Variants in SBF1 observed in about 807,000 individuals in gnomAD.
SBF1 encodes the protein SET binding factor 1, also known as myotubularin-related protein 5.
SBF1 carries 65 observed loss-of-function variants against 215.8 expected under a neutral mutation model. The ratio of observed to expected loss-of-function variants is 0.30; its 90% CI spans 0.25 to 0.37. SBF1 has a LOEUF of 0.37. Among genes scored for constraint, SBF1 ranks in the 10% least tolerant of loss-of-function variants. The pLI, the probability that SBF1 is intolerant of heterozygous loss-of-function variation, is 1.00. For synonymous variants in SBF1, 1,410 were observed against 1,122.8 expected, an observed-to-expected ratio of 1.26 and a Z score of -5.11; for missense variants, 2,634 against 2,667.8, an observed-to-expected ratio of 0.99 and a Z score of 0.28.
chr22:50,464,941 G>A (rs756552680), intron 12 of SBF1, 24 bp from the exon 13 acceptor site: 13 of 1,613,720 alleles, frequency 8.1e-6, no homozygotes, highest in African/African-American at 2.7e-5. Context: ...CAGGAGGTTA[G>A]GTAAGCCATG....
intron 38 of SBF1, 77 bp from the exon 39 acceptor site, chr22:50,447,686 CT>C: frequency 9.3e-7 from 1 of 1,078,230 alleles, no homozygotes; most frequent in South Asian, 1.4e-5. Context: ...TCGTCCCCCC[CT>C]TGCTGTCCCA....
In SBF1 at chr22:50,447,430, C is replaced by T. The variant is rs1235296299; in HGVS notation, c.5475G>A (p.Val1825=). 6.2e-7 allele frequency: 1 copy of T among 1,613,934 alleles called. No homozygotes were observed. Among genetic ancestry groups the T allele is most frequent in the South Asian group, 1.1e-5 (1 of 91,082 alleles). Reference sequence around the variant, plus strand: ...CGATGACACCCTTGCACTCTGTGTCCACACGGTGGTCGTAGTAGCGCAGCT... The same window carrying T: ...CGATGACACCCTTGCACTCTGTGTCTACACGGTGGTCGTAGTAGCGCAGCT... ...KHQLRYYDHR[V]DTECKGVIDL... Residue 1825 remains valine, a synonymous_variant, in exon 40 of 41, where the codon GTG becomes GTA. Coordinates refer to ENST00000380817, the MANE Select transcript of SBF1 (RefSeq NM_002972.4).
chr22:50,456,471 C>A lies in SBF1; in HGVS notation c.4086+21G>T, dbSNP rs752876087. 8 of 1,503,984 alleles carry A rather than the reference C, an allele frequency of 5.3e-6. No individual in the cohort carries two copies. In the Admixed American group the frequency reaches 6.0e-5, roughly 11 times the overall value. 93.2% of individuals were successfully genotyped at this position (1,503,984 alleles called of 1,614,324 possible). ...CTGCCGAGCCCCCACCCTCACCCCC[C>A]ACCCCCCGCACCCCAGTCACCTTGA... On this transcript the variant is annotated intron_variant, in intron 30 of 40. Coordinates refer to ENST00000380817, the MANE Select transcript of SBF1 (RefSeq NM_002972.4).
rs578149650 is a variant in SBF1, at chr22:50,451,735, G to A, written c.5043+2777C>T. ...GGTGCCATTATACACAGTTTATAAGGATAAGAATCAACACCAACTTCTAAG... is the reference window on the plus strand; with the variant it reads ...GGTGCCATTATACACAGTTTATAAGAATAAGAATCAACACCAACTTCTAAG... On this transcript the variant is annotated intron_variant, in intron 36 of 40. Coordinates refer to ENST00000380817, the MANE Select transcript of SBF1 (RefSeq NM_002972.4). Among the ~76,000 whole-genome samples, 4 of 151,204 alleles carry A rather than the reference G, an allele frequency of 2.6e-5. No homozygotes were observed. The South Asian group carries it at 6.3e-4, about 24-fold the overall frequency.
Position 50,454,745 on chromosome 22 carries a change from G to A in SBF1, c.4813-3C>T, listed in dbSNP as rs1212987858. ...ACGTTGCTGTAGGGCCGCAGGACCT[G>A]AGGGTGGGCCTGTGGTTGAGGACCT... is the stretch of plus-strand genomic sequence containing the variant. On this transcript the variant is annotated splice_region_variant and splice_polypyrimidine_tract_variant and intron_variant, in intron 35 of 40. Transcript: ENST00000380817. 2.5e-6 allele frequency: 4 copies of A among 1,584,148 alleles called. No individual in the cohort carries two copies. The highest frequency in any genetic ancestry group is 8.6e-7 in the Non-Finnish European group (1 of 1,168,104).
intron 26 of SBF1, 70 bp from the exon 27 acceptor site, chr22:50,459,736 G>A (rs2067419660): frequency 1.4e-6 from 2 of 1,470,494 alleles, no homozygotes; most frequent in Admixed American, 4.7e-5. Context: ...CCCAAGCAGG[G>A]CAAGAGGAGC....
rs1369861657 is a variant in SBF1 at position 50,450,813 on chromosome 22, G to C, written c.5044-2163C>G. Among the ~76,000 whole-genome samples, 3 of 151,966 alleles carry C rather than the reference G, an allele frequency of 2.0e-5. No individual in the cohort carries two copies. The East Asian group carries it at 5.8e-4, about 30-fold the overall frequency. ...TAAAACCCAAGACTCTAAGCTTAAA[G>C]AAAGACAACACAGGCAGGGCACAGT... On this transcript the variant is annotated intron_variant, in intron 36 of 40. Transcript: ENST00000380817.
At chr22:50,452,987 AGAAAG>A (rs1249592159) in intron 36 of SBF1, among the ~76,000 whole-genome samples, 1 of 149,966 alleles carries the variant, frequency 6.7e-6, no homozygotes, top group Non-Finnish European at 1.5e-5. Flanking sequence ...AAGAAAAGAA[AGAAAG>A]GAAAAAAAAT....
At chr22:50,453,982 C>T (rs1372078684) in intron 36 of SBF1, among the ~76,000 whole-genome samples, 1 of 152,034 alleles carries the variant, frequency 6.6e-6, no homozygotes, top group Non-Finnish European at 1.5e-5. Flanking sequence ...CCAGCCACCA[C>T]CCAATCGCAG....
chr22:50,467,706 G>A lies in SBF1; in HGVS notation c.280-16C>T, dbSNP rs757002446. ...GCGTCGTTTCCTGCTGGGGGTCAGG[G>A]GGAGACGGGGGCAGGGGGAGTTGGC... On this transcript the variant is annotated splice_polypyrimidine_tract_variant and intron_variant, in intron 3 of 40. Coordinates refer to ENST00000380817, the MANE Select transcript of SBF1 (RefSeq NM_002972.4). 3.7e-6 allele frequency: 6 copies of A among 1,606,730 alleles called. No homozygotes were observed. Among genetic ancestry groups the A allele is most frequent in the East Asian group, 2.2e-5 (1 of 44,614 alleles).
At chr22:50,463,179 GTCTC>G in intron 16 of SBF1, 100 bp downstream of exon 16, 1 of 1,460,834 alleles carries the variant, frequency 6.8e-7, no homozygotes, top group South Asian at 1.2e-5. Context: ...TGGCACAGGA[GTCTC>G]TTGCACCGTC....
At position 50,454,739 on chromosome 22, in the gene SBF1, G is replaced by A. The variant is rs1205582390; in HGVS notation, c.4816C>T (p.Leu1606=). 2.5e-6 allele frequency: 4 copies of A among 1,579,354 alleles called. No individual in the cohort carries two copies. The highest frequency in any genetic ancestry group is 1.9e-5 in the Admixed American group (1 of 53,156). Reference sequence around the variant, plus strand: ...TTGGACACGTTGCTGTAGGGCCGCAGGACCTGAGGGTGGGCCTGTGGTTGA... The same window carrying A: ...TTGGACACGTTGCTGTAGGGCCGCAAGACCTGAGGGTGGGCCTGTGGTTGA... ...YMYAPEDAEV[L]RPYSNVSNLK... Residue 1606 remains leucine (L), a synonymous_variant, in exon 36 of 41, where the codon CTG becomes TTG. Transcript: ENST00000380817.
chr22:50,467,951 C>A, intron 2 of SBF1, 28 bp from the exon 3 acceptor site: 8 of 1,611,722 alleles, frequency 5.0e-6, no homozygotes, highest in Non-Finnish European at 6.8e-6. Flanking sequence ...CAGTCAGCTC[C>A]TCCCCCTACA....
chr22:50,464,514 TC>T lies in SBF1; in HGVS notation c.1636+19del. 6.2e-7 allele frequency: 1 copy of T among 1,603,160 alleles called. No individual in the cohort carries two copies. Among genetic ancestry groups the T allele is most frequent in the East Asian group, 2.2e-5 (1 of 44,592 alleles). On this transcript the variant is annotated intron_variant, in intron 14 of 40. Coordinates refer to ENST00000380817, the MANE Select transcript of SBF1 (RefSeq NM_002972.4). ...CCTGGGCCACGCTCGGGGCCTGCCTTCCCCTCCCTCATTACGCACTCATGGG... is the reference window on the plus strand; with the variant it reads ...CCTGGGCCACGCTCGGGGCCTGCCTTCCCTCCCTCATTACGCACTCATGGG...
intron 36 of SBF1, among the ~76,000 whole-genome samples, chr22:50,450,240 G>A (rs189889123): frequency 1.3e-5 from 2 of 152,320 alleles, no homozygotes; most frequent in Admixed American, 6.5e-5. Context: ...ATGACCTGAC[G>A]CCGGCAGCAG....
Position 50,461,611 on chromosome 22 carries a change from A to C in SBF1, c.2751T>G (p.Ala917=). The C allele has an allele frequency of 1.2e-6, 2 of 1,611,970 alleles. No homozygotes were observed. The highest frequency in any genetic ancestry group is 1.7e-6 in the Non-Finnish European group (2 of 1,179,798). The change falls in exon 22 of 41, where the codon GCT becomes GCG. Residue 917 remains alanine (A), a synonymous_variant. Transcript: ENST00000380817. ...CAGCTGGGAGCAATGCTGGTCCCCC[A>C]GCACTGCCCCCCGCGCCCTCCTCAC... ...DGREEGAGGS[A]GGPALLPAEG...
chr22:50,474,045 T>C (rs1278590395), intron 1 of SBF1, among the ~76,000 whole-genome samples: 3 of 152,086 alleles, frequency 2.0e-5, no homozygotes, highest in Non-Finnish European at 2.9e-5. Flanking sequence ...CAGGCTCCGT[T>C]TTCTCCTACC....
chr22:50,448,793 G>A (rs2066934710), intron 36 of SBF1, 143 bp from the exon 37 acceptor site: 4 of 632,954 alleles, frequency 6.3e-6, no homozygotes, highest in Non-Finnish European at 8.3e-6. Context: ...GTGGCAAGAG[G>A]GAGGGAAGGA....
Position 50,459,307 on chromosome 22 carries a change from C to T in SBF1, c.3774G>A (p.Ala1258=), listed in dbSNP as rs376842263. The T allele has an allele frequency of 1.7e-4, 280 of 1,612,166 alleles. 4 individuals carry two copies. The South Asian group carries it at 2.4e-3, about 14-fold the overall frequency. Residue 1258 remains alanine, a synonymous_variant, in exon 28 of 41, where the codon GCG becomes GCA. Coordinates refer to ENST00000380817, the MANE Select transcript of SBF1 (RefSeq NM_002972.4). ...VVSSMPRYAD[A]SGRNTLSGFS... Reference sequence around the variant, plus strand: ...AGCCGCTAAGCGTGTTGCGTCCCGACGCGTCGGCGTAGCGGGGCATGGAGC... The same window carrying T: ...AGCCGCTAAGCGTGTTGCGTCCCGATGCGTCGGCGTAGCGGGGCATGGAGC...
Sources: allele counts gnomAD v4.1 joint callset (sites outside exome capture counted in the v4.1 genomes callset), GRCh38; gene constraint gnomAD v4.1.1; transcripts MANE v1.5; gene names NCBI Gene and HGNC (gene_info 2026-07-23, HGNC 2026-07-21).